The following NPTX2 variants were observed in gnomAD, a reference collection of about 807,000 sequenced individuals.
NPTX2 encodes neuronal pentraxin-2.
Under a neutral mutation model 38.1 loss-of-function variants are expected in NPTX2, and 23 were observed. That is an observed-to-expected ratio of 0.60 (90% CI 0.43 to 0.85). The LOEUF is 0.85. Ranked by LOEUF, NPTX2 falls within the 40% of genes least tolerant of loss-of-function variation. The pLI, the probability that NPTX2 is intolerant of heterozygous loss-of-function variation, is 0.00. For missense variants in NPTX2, 553 were observed against 615.3 expected, an observed-to-expected ratio of 0.90 and a Z score of 1.07; for synonymous variants, 291 against 287.3, an observed-to-expected ratio of 1.01 and a Z score of -0.13.
Position 98,627,264 on chromosome 7 carries a change from G to A in NPTX2, c.988G>A (p.Glu330Lys), listed in dbSNP as rs760121807. 2 of 1,613,846 alleles carry A rather than the reference G, an allele frequency of 1.2e-6. No individual in the cohort carries two copies. Among genetic ancestry groups the A allele is most frequent in the African/African-American group, 2.7e-5 (2 of 74,952 alleles). Reference protein sequence around the residue: ...DGMWEAFQDGEKLGTGENLAP... With the variant: ...DGMWEAFQDGKKLGTGENLAP... ...CATGTGGGAGGCATTCCAGGACGGA[G>A]AGAAGCTGGGCACTGGGGAGAACCT... The change falls in exon 4 of 5, where the codon GAG becomes AAG. Residue 330 changes from glutamate (E) to lysine (K), a missense_variant. Transcript: ENST00000265634.
At chr7:98,619,323 A>C (rs1791232484) in intron 1 of NPTX2, among the ~76,000 whole-genome samples, 1 of 152,104 alleles carries the variant, frequency 6.6e-6, no homozygotes, top group African/African-American at 2.4e-5. Flanking sequence ...CCTGGAGCTG[A>C]GTTTTGGTCT....
At position 98,623,516 on chromosome 7, in the gene NPTX2, G is replaced by C. The variant is rs1008922352; in HGVS notation, c.644-1406G>C. On this transcript the variant is annotated intron_variant, in intron 2 of 4. Coordinates refer to ENST00000265634, the MANE Select transcript of NPTX2 (RefSeq NM_002523.3). ...TGACCAGGTGTGTTCCCCTAAATGA[G>C]GAGAGACACCTGCGGTTGCCCTGCC... Among the ~76,000 whole-genome samples, 9 of 152,292 alleles carry C rather than the reference G, an allele frequency of 5.9e-5. No individual in the cohort carries two copies. The East Asian group carries it at 1.7e-3, about 29-fold the overall frequency.
At chr7:98,627,726 C>A (rs1200421578) in intron 4 of NPTX2, among the ~76,000 whole-genome samples, 3 of 152,182 alleles carry the variant, frequency 2.0e-5, no homozygotes, top group Non-Finnish European at 4.4e-5. Context: ...CAGCTTCCAT[C>A]TGGGAGGAGG....
In NPTX2 at chr7:98,624,655, C is replaced by T. The variant is rs564328260; in HGVS notation, c.644-267C>T. 9.5e-4 allele frequency among the ~76,000 whole-genome samples: 145 copies of T among 152,288 alleles called. 1 individual carries two copies. Among genetic ancestry groups the T allele is most frequent in the African/African-American group, 3.3e-3 (137 of 41,562 alleles). ...GGAGCCACTGCCTGGACTTCCCTCG[C>T]GTACCTGCTGCTGGTTTCATGTCAC... is the stretch of plus-strand genomic sequence containing the variant. On this transcript the variant is annotated intron_variant, in intron 2 of 4. Transcript: ENST00000265634.
In NPTX2 at chr7:98,617,863, C is replaced by T; in HGVS notation, c.402C>T (p.Leu134=). Residue 134 remains leucine, a synonymous_variant, in exon 1 of 5, where the codon CTC becomes CTT. Transcript: ENST00000265634. ...VEQLSRSLQT[L]KDRLESLEHQ... is the part of the protein sequence containing the mutation. ...AGCTCAGCCGCTCGCTGCAGACCCTCAAGGACCGCCTGGAGAGCCTCGAGG... is the reference window on the plus strand; with the variant it reads ...AGCTCAGCCGCTCGCTGCAGACCCTTAAGGACCGCCTGGAGAGCCTCGAGG... The T allele has an allele frequency of 6.4e-7, 1 of 1,557,642 alleles. No individual in the cohort carries two copies. Among genetic ancestry groups the T allele is most frequent in the Non-Finnish European group, 8.6e-7 (1 of 1,160,124 alleles).
intron 2 of NPTX2, among the ~76,000 whole-genome samples, chr7:98,623,681 C>T (rs1791304360): frequency 6.6e-6 from 1 of 152,174 alleles, no homozygotes; most frequent in South Asian, 2.1e-4. Context: ...ACCCGGGAGC[C>T]TGACTGCTTC....
chr7:98,621,094 A>G (rs910221657), intron 2 of NPTX2, among the ~76,000 whole-genome samples: 1 of 152,112 alleles, frequency 6.6e-6, no homozygotes, highest in Non-Finnish European at 1.5e-5. Context: ...CAGTCACATC[A>G]ACCTGCACCT....
Position 98,617,854 on chromosome 7 carries a change from G to C in NPTX2, c.393G>C (p.Leu131=). 1 of 1,557,044 alleles carries C rather than the reference G, an allele frequency of 6.4e-7. No homozygotes were observed. Among genetic ancestry groups the C allele is most frequent in the Non-Finnish European group, 8.6e-7 (1 of 1,159,880 alleles). Residue 131 remains leucine, a synonymous_variant, in exon 1 of 5, where the codon CTG becomes CTC. Coordinates refer to ENST00000265634, the MANE Select transcript of NPTX2 (RefSeq NM_002523.3). ...TCGTGGAGCAGCTCAGCCGCTCGCT[G>C]CAGACCCTCAAGGACCGCCTGGAGA... The part of the protein sequence containing the change: ...GHVVEQLSRS[L]QTLKDRLESL...
chr7:98,628,319 T>C lies in NPTX2; in HGVS notation c.1069-83T>C. 1.0e-5 allele frequency: 7 copies of C among 669,190 alleles called. No homozygotes were observed. In the South Asian group the frequency reaches 1.2e-4, roughly 12 times the overall value. 41.5% of individuals were successfully genotyped at this position (669,190 alleles called of 1,614,324 possible). A position where few individuals can be genotyped will look rare whatever the true frequency, so the allele number is the denominator to read the frequency against. On this transcript the variant is annotated intron_variant, in intron 4 of 4. Coordinates refer to ENST00000265634, the MANE Select transcript of NPTX2 (RefSeq NM_002523.3). ...TCAGAGCTGGGGGGCATCAGAGAAA[T>C]GCCCAAATCTCCTGTCTGCAGCCCG... is the stretch of plus-strand genomic sequence containing the variant.
In NPTX2 at chr7:98,629,168, CG is replaced by C. The variant is rs1791402653; in HGVS notation, c.*540del. ...GTGTTCTATACATTGTGAATCTTCC[CG>C]TCTGAAGAACGCCCAGCCTGCCCAG... On this transcript the variant is annotated 3_prime_UTR_variant, in exon 5 of 5. Coordinates refer to ENST00000265634, the MANE Select transcript of NPTX2 (RefSeq NM_002523.3). 6.6e-6 allele frequency: 1 copy of C among 152,500 alleles called. No homozygotes were observed. Among genetic ancestry groups the C allele is most frequent in the Admixed American group, 6.5e-5 (1 of 15,302 alleles). 9.4% of individuals were successfully genotyped at this position (152,500 alleles called of 1,614,324 possible). A position where few individuals can be genotyped will look rare whatever the true frequency, so the allele number is the denominator to read the frequency against.
rs931195361 is a variant in NPTX2, at chr7:98,617,758, C to A, written c.297C>A (p.Gly99=). The A allele has an allele frequency of 7.7e-6, 11 of 1,428,672 alleles. No individual in the cohort carries two copies. The African/African-American group carries it at 1.1e-4, about 14-fold the overall frequency. 88.5% of individuals were successfully genotyped at this position (1,428,672 alleles called of 1,614,324 possible). Reference sequence around the variant, plus strand: ...TAGCGCGCTGCGAGGGGCTGGCGGGCGGCAAGGCGCGCGGCGCGGGGGCCA... The same window carrying A: ...TAGCGCGCTGCGAGGGGCTGGCGGGAGGCAAGGCGCGCGGCGCGGGGGCCA... ...GKLARCEGLA[G]GKARGAGATG... Residue 99 remains glycine, a synonymous_variant, in exon 1 of 5, where the codon GGC becomes GGA. Coordinates refer to ENST00000265634, the MANE Select transcript of NPTX2 (RefSeq NM_002523.3).
rs1791187786 is a variant in NPTX2, at chr7:98,617,528, C to T, written c.67C>T (p.Pro23Ser). The part of the protein sequence containing the change: ...VAAGAQDSPA[P>S]GSRFVCTALP... ...CGCTGGGGCCCAGGACAGCCCGGCG[C>T]CCGGTAGCCGCTTCGTGTGCACGGC... Residue 23 changes from proline to serine, a missense_variant, in exon 1 of 5, where the codon CCC becomes TCC. Transcript: ENST00000265634. 2 of 1,411,930 alleles carry T rather than the reference C, an allele frequency of 1.4e-6. No individual in the cohort carries two copies. The highest frequency in any genetic ancestry group is 9.2e-7 in the Non-Finnish European group (1 of 1,085,910). The allele number at this position is 1,411,930 out of a possible 1,614,324, so 87.5% of individuals were successfully genotyped here. A position where few individuals can be genotyped will look rare whatever the true frequency, so the allele number is the denominator to read the frequency against.
intron 2 of NPTX2, among the ~76,000 whole-genome samples, chr7:98,620,746 C>T (rs144373108): frequency 2.0e-5 from 3 of 152,106 alleles, no homozygotes; most frequent in Non-Finnish European, 2.9e-5. Flanking sequence ...CTCCGTGGAC[C>T]CAGCCTGAGC....
intron 4 of NPTX2, 147 bp from the exon 5 acceptor site, chr7:98,628,255 C>G (rs771643390): frequency 2.1e-5 from 12 of 568,776 alleles, no homozygotes; most frequent in Non-Finnish European, 3.8e-5. Context: ...TTCTGACATG[C>G]CTGGGAGCTT....
chr7:98,622,586 C>T (rs1352404833), intron 2 of NPTX2, among the ~76,000 whole-genome samples: 1 of 152,246 alleles, frequency 6.6e-6, no homozygotes, highest in Non-Finnish European at 1.5e-5. Context: ...TACGTCACCT[C>T]ACTTCGCTGA....
chr7:98,627,585 G>C (rs926636871), intron 4 of NPTX2, among the ~76,000 whole-genome samples: 1 of 152,176 alleles, frequency 6.6e-6, no homozygotes, highest in Admixed American at 6.5e-5. Flanking sequence ...GTGGTTAGAG[G>C]TTGGGCGTGG....
intron 4 of NPTX2, 41 bp downstream of exon 4, chr7:98,627,385 A>C (rs373686185): frequency 3.2e-6 from 5 of 1,573,048 alleles, no homozygotes; most frequent in Non-Finnish European, 4.4e-6. Flanking sequence ...GGGTGGGTGC[A>C]GGATGGGCAC....
chr7:98,618,580 CCCCCT>C (rs1791218439), intron 1 of NPTX2, among the ~76,000 whole-genome samples: 2 of 62,304 alleles, frequency 3.2e-5, no homozygotes, highest in Non-Finnish European at 6.4e-5. Flanking sequence ...CCCCCCCTCC[CCCCCT>C]CCCCCTCCGT....
intron 4 of NPTX2, 72 bp downstream of exon 4, chr7:98,627,416 C>A: frequency 7.4e-7 from 1 of 1,347,070 alleles, no homozygotes; most frequent in South Asian, 1.2e-5. Context: ...TGCGCCCTTT[C>A]AGGGATGGTG....
Sources: allele counts gnomAD v4.1 joint callset (sites outside exome capture counted in the v4.1 genomes callset), GRCh38; gene constraint gnomAD v4.1.1; transcripts MANE v1.5; gene names NCBI Gene and HGNC (gene_info 2026-07-23, HGNC 2026-07-21).